Variants in FOXP2 observed in about 807,000 individuals in gnomAD.
FOXP2 encodes the protein forkhead box P2, also known as forkhead box protein P2.
A neutral mutation model predicts 115.8 loss-of-function variants in FOXP2; 12 were observed. That is an observed-to-expected ratio of 0.10 (90% CI 0.07 to 0.17). The LOEUF (loss-of-function observed/expected upper bound fraction) is 0.17. Ranked by LOEUF, FOXP2 falls within the 10% of genes least tolerant of loss-of-function variation. The probability of loss-of-function intolerance (pLI) is 1.00; values close to 1 mark genes in which losing one functional copy is unlikely to be tolerated. For synonymous variants in FOXP2, 328 were observed against 297.7 expected (o/e 1.10, Z -1.05); for missense variants, 629 against 843.5 (o/e 0.75, Z 3.15).
At chr7:114,236,166 T>C (rs1448122772) in intron 1 of FOXP2, among the ~76,000 whole-genome samples, 2 of 152,200 alleles carry the variant, frequency 1.3e-5, no homozygotes, top group Non-Finnish European at 2.9e-5. Flanking sequence ...ATAAGAAATA[T>C]GAATATGGAA....
At chr7:114,502,091 G>A (rs1050023451) in intron 2 of FOXP2, among the ~76,000 whole-genome samples, 2 of 151,912 alleles carry the variant, frequency 1.3e-5, no homozygotes, top group Admixed American at 1.3e-4. Context: ...GTTTAAAACT[G>A]CATTTACCTA....
intron 1 of FOXP2, among the ~76,000 whole-genome samples, chr7:114,244,632 A>G (rs1216672469): frequency 6.6e-6 from 1 of 152,126 alleles, no homozygotes; most frequent in African/African-American, 2.4e-5. Flanking sequence ...CTTTATACCT[A>G]TTTCTATTTA....
intron 6 of FOXP2, among the ~76,000 whole-genome samples, chr7:114,634,276 A>G (rs12705967): frequency 0.73 from 110,748 of 152,044 alleles, 43,904 homozygotes; most frequent in Non-Finnish European, 0.88. Context: ...GATTACAGGC[A>G]TTAGCCACTG....
intron 1 of FOXP2, among the ~76,000 whole-genome samples, chr7:114,252,060 T>G (rs551500396): frequency 3.1e-4 from 47 of 152,358 alleles, no homozygotes; most frequent in African/African-American, 1.1e-3. Context: ...ATGTGGTTTT[T>G]GCCTTTGGTT....
intron 3 of FOXP2, among the ~76,000 whole-genome samples, chr7:114,613,582 G>A (rs1438589963): frequency 1.3e-5 from 2 of 151,598 alleles, no homozygotes; most frequent in Non-Finnish European, 2.9e-5. Context: ...GGCTGAGGCA[G>A]GAGAATGGCA....
At chr7:114,332,153 G>C (rs370112498) in intron 2 of FOXP2, among the ~76,000 whole-genome samples, 2 of 152,134 alleles carry the variant, frequency 1.3e-5, no homozygotes, top group African/African-American at 4.8e-5. Context: ...CATGAGTAGG[G>C]GGTAATGTTT....
chr7:114,169,587 A>G (rs1793081550), intron 1 of FOXP2, among the ~76,000 whole-genome samples: 2 of 152,292 alleles, frequency 1.3e-5, no homozygotes, highest in South Asian at 2.1e-4. Context: ...CTTGTCTCAG[A>G]TGAAACACTG....
At chr7:114,621,239 G>A (rs953531446) in intron 3 of FOXP2, among the ~76,000 whole-genome samples, 1 of 151,944 alleles carries the variant, frequency 6.6e-6, no homozygotes, top group African/African-American at 2.4e-5. Flanking sequence ...ATGATTATCA[G>A]CATCTTTTTG....
chr7:114,114,827 AT>A (rs1348261898), intron 1 of FOXP2, among the ~76,000 whole-genome samples: 1 of 152,238 alleles, frequency 6.6e-6, no homozygotes, highest in East Asian at 1.9e-4. Flanking sequence ...TCATCCTAAA[AT>A]TTTGACTTGT....
In FOXP2 at chr7:114,504,952, A is replaced by T. The variant is rs529216422; in HGVS notation, c.169-29665A>T. On this transcript the variant is annotated intron_variant, in intron 2 of 16. Coordinates refer to ENST00000350908, the MANE Select transcript of FOXP2 (RefSeq NM_014491.4). The stretch of plus-strand genomic sequence containing the variant: ...ACAACCTGAACTACTAAGTCTCCAG[A>T]CACAATTAGTTTGACTGCTTTTAAT... Among the ~76,000 whole-genome samples, 3 of 151,740 alleles carry T rather than the reference A, an allele frequency of 2.0e-5. No homozygotes were observed. In the South Asian group the frequency reaches 6.2e-4, roughly 31 times the overall value.
intron 1 of FOXP2, among the ~76,000 whole-genome samples, chr7:114,219,946 A>G (rs1794580774): frequency 6.6e-6 from 1 of 151,614 alleles, no homozygotes; most frequent in South Asian, 2.1e-4. Context: ...GGCTCACTAC[A>G]ACCTCCGCCT....
chr7:114,547,858 T>G (rs2129285003), intron 3 of FOXP2, among the ~76,000 whole-genome samples: 1 of 152,344 alleles, frequency 6.6e-6, no homozygotes, highest in South Asian at 2.1e-4. Context: ...TATATAATTT[T>G]TATGATTTAA....
At chr7:114,494,913 G>GT (rs1797240942) in intron 2 of FOXP2, among the ~76,000 whole-genome samples, 1 of 151,996 alleles carries the variant, frequency 6.6e-6, no homozygotes, top group Non-Finnish European at 1.5e-5. Context: ...TTTTACTTTA[G>GT]TTTTCATTGC....
At chr7:114,491,221 C>G (rs1451314696) in intron 2 of FOXP2, among the ~76,000 whole-genome samples, 1 of 152,144 alleles carries the variant, frequency 6.6e-6, no homozygotes, top group Non-Finnish European at 1.5e-5. Flanking sequence ...GATGGTATCT[C>G]ATTGTGGTTT....
intron 3 of FOXP2, among the ~76,000 whole-genome samples, chr7:114,536,942 A>G (rs1325753000): frequency 1.3e-5 from 2 of 151,486 alleles, no homozygotes; most frequent in Non-Finnish European, 1.5e-5. Flanking sequence ...GCAACTGGAG[A>G]CACGCTGGGA....
intron 1 of FOXP2, among the ~76,000 whole-genome samples, chr7:114,213,965 T>G (rs1418771172): frequency 6.6e-6 from 1 of 152,340 alleles, no homozygotes; most frequent in African/African-American, 2.4e-5. Flanking sequence ...TTAAATCTTC[T>G]GAGTTAATTT....
intron 2 of FOXP2, among the ~76,000 whole-genome samples, chr7:114,378,259 AG>A (rs763514221): frequency 2.4e-4 from 37 of 152,308 alleles, no homozygotes; most frequent in Non-Finnish European, 4.0e-4. Flanking sequence ...AAGCAGACAT[AG>A]GAGTTAGATG....
chr7:114,585,749 C>G (rs988341613), intron 3 of FOXP2, among the ~76,000 whole-genome samples: 5 of 152,060 alleles, frequency 3.3e-5, no homozygotes, highest in Non-Finnish European at 7.4e-5. Context: ...CACCTGTGGT[C>G]CCAGCTACTT....
intron 3 of FOXP2, chr7:114,571,006 A>G (rs974290839): frequency 7.8e-5 from 65 of 837,422 alleles, no homozygotes; most frequent in Non-Finnish European, 1.1e-4. Context: ...TAATCAAGAT[A>G]CAAATAATGT....
Sources: allele counts gnomAD v4.1 joint callset (sites outside exome capture counted in the v4.1 genomes callset), GRCh38; gene constraint gnomAD v4.1.1; transcripts MANE v1.5; gene names NCBI Gene and HGNC (gene_info 2026-07-23, HGNC 2026-07-21).